USP15: variants seen among roughly 807,000 people sequenced by gnomAD.
USP15 encodes the protein ubiquitin specific peptidase 15, also known as ubiquitin carboxyl-terminal hydrolase 15.
USP15 carries 18 observed loss-of-function variants against 127.1 expected under a neutral mutation model. That is an observed-to-expected ratio of 0.14 (90% CI 0.10 to 0.21). The LOEUF is 0.21. USP15 is among the 10% of genes least tolerant of loss of function. The pLI is 1.00. For missense variants in USP15, 805 were observed against 1,159.9 expected, an observed-to-expected ratio of 0.69 and a Z score of 4.44; for synonymous variants, 364 against 393.7, an observed-to-expected ratio of 0.92 and a Z score of 0.89.
intron 1 of USP15, among the ~76,000 whole-genome samples, chr12:62,293,125 G>A (rs2064023549): frequency 6.6e-6 from 1 of 152,138 alleles, no homozygotes; most frequent in African/African-American, 2.4e-5. Flanking sequence ...CTAGGTTTGT[G>A]AGAGCAGAGG....
chr12:62,384,333 T>TTTTTTTTTTTTTTTG, intron 11 of USP15, 31 bp downstream of exon 11: 1 of 1,398,716 alleles, frequency 7.1e-7, no homozygotes, highest in Non-Finnish European at 9.6e-7. Context: ...TTTTGTTTTT[T>TTTTTTTTTTTTTTTG]TTTTTTTTTT....
At chr12:62,383,190 C>T (rs1459281581) in intron 9 of USP15, among the ~76,000 whole-genome samples, 2 of 151,860 alleles carry the variant, frequency 1.3e-5, no homozygotes, top group African/African-American at 4.8e-5. Flanking sequence ...GCCACAAACA[C>T]TGAAATAACA....
In USP15 at chr12:62,411,273, T is replaced by G. The variant is rs538065665; in HGVS notation, c.*6898T>G. 2 of 152,406 alleles carry G rather than the reference T, an allele frequency of 1.3e-5. No homozygotes were observed. Among genetic ancestry groups the G allele is most frequent in the African/African-American group, 2.4e-5 (1 of 41,574 alleles). 9.4% of individuals were successfully genotyped at this position (152,406 alleles called of 1,614,324 possible). ...CTCTTGCTCTTTCTCATTTTTACTC[T>G]TTAACTGGCTCCTCACTTTTTAGAT... On this transcript the variant is annotated 3_prime_UTR_variant, in exon 22 of 22. Transcript: ENST00000280377.
At position 62,406,812 on chromosome 12, in the gene USP15, T is replaced by C. The variant is rs1012358748; in HGVS notation, c.*2437T>C. ...CTCATCTGTACAAATATATGTATTT[T>C]TTTTTAATTAGCTGGGTGTGCACAC... On this transcript the variant is annotated 3_prime_UTR_variant, in exon 22 of 22. Coordinates refer to ENST00000280377, the MANE Select transcript of USP15 (RefSeq NM_001252078.2). 1 of 151,998 alleles carries C rather than the reference T, an allele frequency of 6.6e-6. No homozygotes were observed. Among genetic ancestry groups the C allele is most frequent in the Admixed American group, 6.6e-5 (1 of 15,244 alleles). 9.4% of individuals were successfully genotyped at this position (151,998 alleles called of 1,614,324 possible). A position where few individuals can be genotyped will look rare whatever the true frequency, so the allele number is the denominator to read the frequency against.
At position 62,377,766 on chromosome 12, in the gene USP15, T is replaced by A. The variant is rs75776907; in HGVS notation, c.916-3724T>A. On this transcript the variant is annotated intron_variant, in intron 8 of 21. Transcript: ENST00000280377. ...AACCGGCTTCTTTTTTCTGCCAGAA[T>A]GATGACATTGAATACTGATATAACA... is the stretch of plus-strand genomic sequence containing the variant. 4.5e-3 allele frequency among the ~76,000 whole-genome samples: 684 copies of A among 151,914 alleles called. 6 individuals are homozygous for A. Among genetic ancestry groups the A allele is most frequent in the African/African-American group, 0.016 (663 of 41,466 alleles).
Sources: allele counts gnomAD v4.1 joint callset (sites outside exome capture counted in the v4.1 genomes callset), GRCh38; gene constraint gnomAD v4.1.1; transcripts MANE v1.5; gene names NCBI Gene and HGNC (gene_info 2026-07-23, HGNC 2026-07-21).